Variants in CES5A observed in about 807,000 individuals in gnomAD.
CES5A encodes carboxylesterase 5A, also known as carboxylesterase 5.
Under a neutral mutation model 62.9 loss-of-function variants are expected in CES5A, and 67 were observed. The ratio of observed to expected loss-of-function variants is 1.07; its 90% CI spans 0.88 to 1.31. The LOEUF (loss-of-function observed/expected upper bound fraction) is 1.31, where lower values mean the gene tolerates loss of function less well. Ranked by LOEUF, CES5A falls within the 50% of genes most tolerant of loss-of-function variation. The probability of loss-of-function intolerance (pLI) is 0.00; values close to 1 mark genes in which losing one functional copy is unlikely to be tolerated. For synonymous variants in CES5A, 296 were observed against 280.8 expected (o/e 1.05, Z -0.54); for missense variants, 748 against 708.5 (o/e 1.06, Z -0.63).
chr16:55,870,974 C>T (rs181016515), intron 3 of CES5A, among the ~76,000 whole-genome samples: 2 of 152,274 alleles, frequency 1.3e-5, no homozygotes, highest in East Asian at 1.9e-4. Flanking sequence ...CCTTCCTGTG[C>T]CTCGTCTTCT....
chr16:55,895,676 G>A (rs1318765883), intron 1 of CES5A, among the ~76,000 whole-genome samples: 1 of 151,932 alleles, frequency 6.6e-6, no homozygotes, highest in African/African-American at 2.4e-5. Context: ...TTAAAAATTT[G>A]CGCTAGAACA....
chr16:55,877,442 GTA>G (rs1214020542), upstream of CES5A, among the ~76,000 whole-genome samples: 7 of 134,312 alleles, frequency 5.2e-5, no homozygotes, highest in East Asian at 2.2e-4. Context: ...ATGTGTGTGT[GTA>G]TATATATGTA....
chr16:55,859,030 A>G (rs2142393835), intron 8 of CES5A, among the ~76,000 whole-genome samples: 1 of 152,332 alleles, frequency 6.6e-6, no homozygotes, highest in South Asian at 2.1e-4. Flanking sequence ...AGCTCCCAGA[A>G]AGCTCATATG....
At chr16:55,885,467 C>T (rs530755220) in intron 1 of CES5A, among the ~76,000 whole-genome samples, 10 of 152,146 alleles carry the variant, frequency 6.6e-5, no homozygotes, top group South Asian at 2.1e-4. Context: ...GGGAGGGAGC[C>T]GGGAAAGTCC....
At chr16:55,898,129 A>C (rs556896495) in intron 1 of CES5A, among the ~76,000 whole-genome samples, 1 of 152,350 alleles carries the variant, frequency 6.6e-6, no homozygotes, top group East Asian at 1.9e-4. Flanking sequence ...ATGTGGCTAC[A>C]AGAGTAAAAA....
chr16:55,938,184 C>T (rs2034398450), intron 2 of CES5A, among the ~76,000 whole-genome samples: 1 of 152,044 alleles, frequency 6.6e-6, no homozygotes, highest in African/African-American at 2.4e-5. Flanking sequence ...AGCACATTTC[C>T]AAAGTAAGAT....
chr16:55,852,130 G>A (rs1470372665), intron 10 of CES5A, among the ~76,000 whole-genome samples: 1 of 152,192 alleles, frequency 6.6e-6, no homozygotes, highest in African/African-American at 2.4e-5. Context: ...GTATAGCGGT[G>A]ATGGTTGTAC....
Position 55,873,224 on chromosome 16 carries a change from G to A in CES5A, c.278+609C>T, listed in dbSNP as rs546422615. Among the ~76,000 whole-genome samples, 7 of 152,158 alleles carry A rather than the reference G, an allele frequency of 4.6e-5. No homozygotes were observed. The South Asian group carries it at 6.2e-4, about 14-fold the overall frequency. On this transcript the variant is annotated intron_variant, in intron 2 of 12. Coordinates refer to ENST00000290567, the MANE Select transcript of CES5A (RefSeq NM_001143685.2). ...TAACCTGGTAACTGGTTACCTAACC[G>A]AGCTTGGAAATCTGCAGTGACCAGG...
intron 1 of CES5A, among the ~76,000 whole-genome samples, chr16:55,906,851 G>C (rs2034044447): frequency 6.6e-6 from 1 of 152,202 alleles, no homozygotes; most frequent in Non-Finnish European, 1.5e-5. Context: ...TGGTGTGCTT[G>C]AGGCACAGCA....
intron 1 of CES5A, among the ~76,000 whole-genome samples, chr16:55,899,216 G>C (rs1242984636): frequency 1.3e-5 from 2 of 152,180 alleles, no homozygotes; most frequent in African/African-American, 4.8e-5. Flanking sequence ...AATGGGGAGA[G>C]CAGCTCTGAT....
At chr16:55,885,346 G>A (rs28455135) in intron 1 of CES5A, among the ~76,000 whole-genome samples, 1,745 of 152,226 alleles carry the variant, frequency 0.011, 31 homozygotes, top group African/African-American at 0.04. Flanking sequence ...CCTGTCTTCC[G>A]AGACCACTTT....
intron 10 of CES5A, among the ~76,000 whole-genome samples, chr16:55,850,936 C>T (rs1450813946): frequency 6.6e-6 from 1 of 152,086 alleles, no homozygotes; most frequent in Non-Finnish European, 1.5e-5. Flanking sequence ...TAGTATATGA[C>T]ACATGCAAAA....
chr16:55,932,033 C>T (rs1284134675), intron 2 of CES5A, among the ~76,000 whole-genome samples: 1 of 152,166 alleles, frequency 6.6e-6, no homozygotes, highest in Non-Finnish European at 1.5e-5. Context: ...TGGATTAATT[C>T]ACTCAAGGAT....
chr16:55,855,555 T>C (rs2033223793), intron 9 of CES5A, among the ~76,000 whole-genome samples: 1 of 152,088 alleles, frequency 6.6e-6, no homozygotes, highest in African/African-American at 2.4e-5. Context: ...TTTCAGACTG[T>C]AGGTAGATAA....
At chr16:55,876,734 T>A (rs1273582923), upstream of CES5A, among the ~76,000 whole-genome samples, 1 of 152,160 alleles carries the variant, frequency 6.6e-6, no homozygotes, top group African/African-American at 2.4e-5. Flanking sequence ...GCAGAAGTGG[T>A]TGGGCTAAGA....
chr16:55,921,521 T>C (rs2034204269), intron 1 of CES5A, among the ~76,000 whole-genome samples: 1 of 151,914 alleles, frequency 6.6e-6, no homozygotes, highest in Non-Finnish European at 1.5e-5. Flanking sequence ...AGCAAAGCTA[T>C]TCTTCAAATA....
intron 1 of CES5A, among the ~76,000 whole-genome samples, chr16:55,917,103 A>C (rs2034154772): frequency 6.6e-6 from 1 of 152,192 alleles, no homozygotes. Context: ...CTCACTCCTC[A>C]GAGCTCTGCT....
At chr16:55,876,384 T>C (rs201783412), upstream of CES5A, among the ~76,000 whole-genome samples, 1 of 150,870 alleles carries the variant, frequency 6.6e-6, no homozygotes, top group Non-Finnish European at 1.5e-5. Context: ...CCACAAAACA[T>C]TCCCTTTGCC....
intron 1 of CES5A, among the ~76,000 whole-genome samples, chr16:55,898,961 A>G (rs2033961947): frequency 6.6e-6 from 1 of 152,060 alleles, no homozygotes; most frequent in South Asian, 2.1e-4. Flanking sequence ...GAGGAAGGAG[A>G]GGTTTTCTTA....
Sources: gnomAD v4.1 joint callset for allele counts (sites outside exome capture counted in the v4.1 genomes callset) on GRCh38, gnomAD v4.1.1 for gene constraint, MANE v1.5 for transcripts, NCBI Gene and HGNC (gene_info 2026-07-23, HGNC 2026-07-21) for gene names.